DDX10: variants seen among roughly 807,000 people sequenced by gnomAD.
The protein encoded by DDX10 is probable ATP-dependent RNA helicase DDX10.
A neutral mutation model predicts 104.3 loss-of-function variants in DDX10; 74 were observed. The ratio of observed to expected loss-of-function variants is 0.71; its 90% confidence interval spans 0.59 to 0.86. The LOEUF is 0.86. Among genes scored for constraint, DDX10 ranks in the 40% least tolerant of loss-of-function variants. The probability of loss-of-function intolerance (pLI) is 0.00; values close to 1 mark genes in which losing one functional copy is unlikely to be tolerated. For synonymous variants in DDX10, 351 were observed against 353.4 expected (o/e 0.99, Z 0.08); for missense variants, 952 against 1,040.0 (o/e 0.92, Z 1.16).
At chr11:108,756,356 A>G (rs2094344471) in intron 13 of DDX10, among the ~76,000 whole-genome samples, 1 of 152,062 alleles carries the variant, frequency 6.6e-6, no homozygotes, top group Non-Finnish European at 1.5e-5. Context: ...CGGAGATCAA[A>G]TGGCATTCTT....
intron 13 of DDX10, among the ~76,000 whole-genome samples, chr11:108,742,377 C>A (rs1369202251): frequency 6.6e-6 from 1 of 151,506 alleles, no homozygotes; most frequent in Non-Finnish European, 1.5e-5. Context: ...ACCAGCCTGA[C>A]CAACATGGTG....
intron 12 of DDX10, among the ~76,000 whole-genome samples, chr11:108,721,255 C>T (rs2094298010): frequency 6.6e-6 from 1 of 152,080 alleles, no homozygotes; most frequent in African/African-American, 2.4e-5. Flanking sequence ...TGCTTTATAG[C>T]AGTGTAGGGC....
At chr11:108,670,608 T>G (rs778241256) in intron 1 of DDX10, among the ~76,000 whole-genome samples, 90 of 151,416 alleles carry the variant, frequency 5.9e-4, no homozygotes, top group Non-Finnish European at 1.1e-3. Flanking sequence ...AGCAGGAGGG[T>G]GGTGTATTTC....
chr11:108,886,811 T>A (rs1591110916), intron 16 of DDX10, among the ~76,000 whole-genome samples: 1 of 152,312 alleles, frequency 6.6e-6, no homozygotes, highest in East Asian at 1.9e-4. Flanking sequence ...ATTCCATGAG[T>A]CATATAAAAC....
intron 13 of DDX10, among the ~76,000 whole-genome samples, chr11:108,797,036 C>G (rs183322132): frequency 3.2e-3 from 488 of 151,742 alleles, no homozygotes; most frequent in African/African-American, 0.011. Flanking sequence ...TCTCCCTCTT[C>G]TAATTTTTTT....
At chr11:108,876,528 G>C (rs975018970) in intron 16 of DDX10, among the ~76,000 whole-genome samples, 1 of 152,152 alleles carries the variant, frequency 6.6e-6, no homozygotes, top group Admixed American at 6.5e-5. Context: ...CTTAGGAAGG[G>C]AAACATTGAC....
chr11:108,796,403 T>C (rs889132965), intron 13 of DDX10, among the ~76,000 whole-genome samples: 17 of 152,332 alleles, frequency 1.1e-4, no homozygotes, highest in African/African-American at 4.1e-4. Context: ...ATTTATTATT[T>C]TTCTTCCACT....
intron 13 of DDX10, among the ~76,000 whole-genome samples, chr11:108,769,001 T>A (rs1179244800): frequency 6.6e-6 from 1 of 152,206 alleles, no homozygotes; most frequent in Non-Finnish European, 1.5e-5. Context: ...GTTATCTTTG[T>A]TAATCTGAAG....
At chr11:108,923,227 G>T (rs1177648130) in intron 17 of DDX10, among the ~76,000 whole-genome samples, 2 of 152,104 alleles carry the variant, frequency 1.3e-5, no homozygotes, top group African/African-American at 2.4e-5. Context: ...TTGGTCTGCT[G>T]GGAACTGCAC....
chr11:108,924,791 C>T (rs1254952393), intron 17 of DDX10, among the ~76,000 whole-genome samples: 2 of 152,168 alleles, frequency 1.3e-5, no homozygotes, highest in Non-Finnish European at 2.9e-5. Context: ...ACAATGTTCT[C>T]AGAAGCCATT....
chr11:108,678,222 A>G lies in DDX10; in HGVS notation c.538-93A>G, dbSNP rs1287054833. 6 of 1,273,882 alleles carry G rather than the reference A, an allele frequency of 4.7e-6. No homozygotes were observed. The East Asian group carries it at 1.2e-4, about 27-fold the overall frequency. 78.9% of individuals were successfully genotyped at this position (1,273,882 alleles called of 1,614,324 possible). Reference sequence around the variant, plus strand: ...TTCCAAGAGTATCTAAAATGTTGTGATGAAATGCCCATGCAGATGGCTTTT... The same window carrying G: ...TTCCAAGAGTATCTAAAATGTTGTGGTGAAATGCCCATGCAGATGGCTTTT... On this transcript the variant is annotated intron_variant, in intron 4 of 17. Transcript: ENST00000322536.
intron 5 of DDX10, 149 bp from the exon 6 acceptor site, chr11:108,679,222 A>G (rs1182490327): frequency 1.5e-6 from 1 of 659,044 alleles, no homozygotes; most frequent in Admixed American, 3.1e-5. Flanking sequence ...ACATTGCTAC[A>G]TCATATAAAT....
intron 16 of DDX10, among the ~76,000 whole-genome samples, chr11:108,915,291 T>C (rs924428222): frequency 6.6e-6 from 1 of 152,164 alleles, no homozygotes; most frequent in Non-Finnish European, 1.5e-5. Context: ...GGAAAACAAC[T>C]GAAAGTATTT....
chr11:108,900,228 G>A (rs771635819), intron 16 of DDX10, among the ~76,000 whole-genome samples: 12 of 152,160 alleles, frequency 7.9e-5, no homozygotes, highest in Non-Finnish European at 1.8e-4. Context: ...GACCTCACTA[G>A]TGTGATGCTT....
At chr11:108,916,211 C>A (rs1863748695) in intron 16 of DDX10, among the ~76,000 whole-genome samples, 1 of 152,094 alleles carries the variant, frequency 6.6e-6, no homozygotes, top group Non-Finnish European at 1.5e-5. Context: ...ATAGTACATT[C>A]CTTTAAGGGC....
At chr11:108,774,063 C>G (rs1436536820) in intron 13 of DDX10, among the ~76,000 whole-genome samples, 1 of 152,202 alleles carries the variant, frequency 6.6e-6, no homozygotes, top group African/African-American at 2.4e-5. Flanking sequence ...ACAAAAAAAG[C>G]AAATTATTCC....
At chr11:108,707,907 T>C (rs2094278655) in intron 10 of DDX10, among the ~76,000 whole-genome samples, 1 of 152,240 alleles carries the variant, frequency 6.6e-6, no homozygotes, top group African/African-American at 2.4e-5. Flanking sequence ...ACATCTTAAT[T>C]GCTTCCAAGC....
chr11:108,767,835 A>G (rs1360865212), intron 13 of DDX10: 1 of 152,198 alleles, frequency 6.6e-6, no homozygotes, highest in African/African-American at 2.4e-5. Context: ...AAGTAACCCC[A>G]AGTGTGCCTG....
intron 10 of DDX10, among the ~76,000 whole-genome samples, chr11:108,708,268 T>C (rs2094279289): frequency 6.6e-6 from 1 of 151,148 alleles, no homozygotes; most frequent in South Asian, 2.1e-4. Context: ...AAAAAATTTT[T>C]TTTTTAAAAT....
Sources: allele counts gnomAD v4.1 joint callset (sites outside exome capture counted in the v4.1 genomes callset), GRCh38; gene constraint gnomAD v4.1.1; transcripts MANE v1.5; gene names NCBI Gene and HGNC (gene_info 2026-07-23, HGNC 2026-07-21).